DACH1: variants seen among roughly 807,000 people sequenced by gnomAD.
DACH1 encodes the protein dachshund family transcription factor 1.
A neutral mutation model predicts 54.2 loss-of-function variants in DACH1; 12 were observed. The ratio of observed to expected loss-of-function variants is 0.22; its 90% CI spans 0.14 to 0.36. The LOEUF is 0.36. DACH1 is among the 10% of genes least tolerant of loss of function. The pLI is 1.00. For missense variants in DACH1, 805 were observed against 929.8 expected, an observed-to-expected ratio of 0.87 and a Z score of 1.75; for synonymous variants, 386 against 366.2, an observed-to-expected ratio of 1.05 and a Z score of -0.62.
At chr13:71,575,530 T>A (rs1885474735) in intron 3 of DACH1, among the ~76,000 whole-genome samples, 1 of 152,068 alleles carries the variant, frequency 6.6e-6, no homozygotes, top group African/African-American at 2.4e-5. Flanking sequence ...ATTTCACTCA[T>A]ATCAGTAGAG....
intron 6 of DACH1, among the ~76,000 whole-genome samples, chr13:71,515,035 G>A (rs1224225187): frequency 6.6e-6 from 1 of 151,740 alleles, no homozygotes; most frequent in African/African-American, 2.4e-5. Flanking sequence ...TTTGCACAAT[G>A]CACATATACT....
chr13:71,556,906 A>T (rs1884286867), intron 6 of DACH1, 118 bp downstream of exon 6: 4 of 1,161,596 alleles, frequency 3.4e-6, no homozygotes, highest in East Asian at 2.8e-5. Context: ...GTGGATTTTA[A>T]AAACATTTAT....
At chr13:71,708,856 T>G (rs1426393249) in intron 1 of DACH1, among the ~76,000 whole-genome samples, 424 of 146,172 alleles carry the variant, frequency 2.9e-3, no homozygotes, top group Admixed American at 4.6e-3. Context: ...TTTGTTGTTT[T>G]TTTTTTTTTT....
At chr13:71,480,217 T>C (rs932609097) in intron 7 of DACH1, among the ~76,000 whole-genome samples, 3 of 152,152 alleles carry the variant, frequency 2.0e-5, no homozygotes, top group Admixed American at 6.6e-5. Flanking sequence ...ATACGTAATA[T>C]ATTTAAGCGA....
intron 6 of DACH1, 115 bp downstream of exon 6, chr13:71,556,909 A>G (rs1289983622): frequency 8.6e-7 from 1 of 1,159,834 alleles, no homozygotes; most frequent in Non-Finnish European, 1.2e-6. Context: ...GATTTTAAAA[A>G]CATTTATATG....
intron 6 of DACH1, among the ~76,000 whole-genome samples, chr13:71,513,151 T>C (rs1243466858): frequency 6.6e-6 from 1 of 151,974 alleles, no homozygotes; most frequent in African/African-American, 2.4e-5. Flanking sequence ...CAGTATGTAT[T>C]TGCATTCCAT....
At chr13:71,488,168 A>G (rs1593774046) in intron 7 of DACH1, among the ~76,000 whole-genome samples, 2 of 152,158 alleles carry the variant, frequency 1.3e-5, no homozygotes, top group South Asian at 4.1e-4. Flanking sequence ...ATTACTGAGG[A>G]TGGAATGTTA....
At chr13:71,588,594 C>T (rs539756338) in intron 3 of DACH1, among the ~76,000 whole-genome samples, 1 of 151,890 alleles carries the variant, frequency 6.6e-6, no homozygotes, top group African/African-American at 2.4e-5. Context: ...ATATAAAGTA[C>T]AGTAAAACAA....
chr13:71,846,716 ATTTCTT>A (rs1352444700), intron 1 of DACH1, among the ~76,000 whole-genome samples: 4 of 152,112 alleles, frequency 2.6e-5, no homozygotes, highest in Non-Finnish European at 1.5e-5. Context: ...TCAGAATGAG[ATTTCTT>A]GGGTTCTATT....
At chr13:71,486,808 TTATTTATCTATCTATC>T (rs755948826) in intron 7 of DACH1, among the ~76,000 whole-genome samples, 7,364 of 147,752 alleles carry the variant, frequency 0.05, 242 homozygotes, top group Middle Eastern at 0.065. Context: ...ATTTATTTAT[TTATTTATCTATCTATC>T]TATCTATCTA....
intron 1 of DACH1, among the ~76,000 whole-genome samples, chr13:71,782,701 CT>C (rs1886435930): frequency 6.6e-6 from 1 of 152,086 alleles, no homozygotes; most frequent in Non-Finnish European, 1.5e-5. Context: ...CTGGCAGGCA[CT>C]AAACCAGAGT....
In DACH1 at chr13:71,657,441, ACTGAGCCAGTGATCACACCACTGCACTC is replaced by A. The variant is rs1466976269; in HGVS notation, c.964+24326_964+24353del. On this transcript the variant is annotated intron_variant, in intron 2 of 10. Transcript: ENST00000613252. Reference sequence around the variant, plus strand: ...CAAAAGGTCAGGAGGTTGAGGCCACACTGAGCCAGTGATCACACCACTGCACTCCAGTCTGGGTGACAGACTGAGACCC... The same window carrying A: ...CAAAAGGTCAGGAGGTTGAGGCCACACAGTCTGGGTGACAGACTGAGACCC... Among the ~76,000 whole-genome samples, 3 of 152,080 alleles carry A rather than the reference ACTGAGCCAGTGATCACACCACTGCACTC, an allele frequency of 2.0e-5. No homozygotes were observed. In the East Asian group the frequency reaches 5.8e-4, roughly 30 times the overall value.
At chr13:71,608,945 T>A (rs1448243313) in intron 3 of DACH1, among the ~76,000 whole-genome samples, 2 of 152,030 alleles carry the variant, frequency 1.3e-5, no homozygotes, top group African/African-American at 4.8e-5. Context: ...CTGAGGAAGA[T>A]AAAACAGGAA....
chr13:71,766,339 C>T (rs1395307173), intron 1 of DACH1, among the ~76,000 whole-genome samples: 1 of 152,102 alleles, frequency 6.6e-6, no homozygotes, highest in Non-Finnish European at 1.5e-5. Context: ...TTCCAATGGC[C>T]GGGCTTCATT....
intron 3 of DACH1, among the ~76,000 whole-genome samples, chr13:71,593,727 T>C (rs1873892683): frequency 6.6e-6 from 1 of 152,028 alleles, no homozygotes; most frequent in Non-Finnish European, 1.5e-5. Flanking sequence ...TTAAGAGATT[T>C]TAAAGGTCAA....
At chr13:71,557,532 G>T (rs907470640) in intron 5 of DACH1, among the ~76,000 whole-genome samples, 2 of 151,996 alleles carry the variant, frequency 1.3e-5, no homozygotes, top group Non-Finnish European at 2.9e-5. Context: ...CTAGTGAATG[G>T]AAGTTTGCTA....
At chr13:71,845,446 G>A (rs965714403) in intron 1 of DACH1, among the ~76,000 whole-genome samples, 1 of 152,028 alleles carries the variant, frequency 6.6e-6, no homozygotes, top group Non-Finnish European at 1.5e-5. Context: ...TCAAAAAATG[G>A]CAAACTAACT....
In DACH1 at chr13:71,475,159, C is replaced by T. The variant is rs1877402740; in HGVS notation, c.2065G>A (p.Ala689Thr). 2 of 1,613,834 alleles carry T rather than the reference C, an allele frequency of 1.2e-6. No individual in the cohort carries two copies. The highest frequency in any genetic ancestry group is 1.7e-6 in the Non-Finnish European group (2 of 1,179,880). The change falls in exon 10 of 11, where the codon GCT becomes ACT. Residue 689 changes from alanine (A) to threonine (T), a missense_variant. Physicochemically the swap from Ala to Thr is moderately conservative, Grantham distance 58. Transcript: ENST00000613252. ...TTCCTACCTTGTATTGTCCTTTCAG[C>T]ATCTGTTCTGCCGCCACTGCGGTCA... ...EADRSGGRTDAERTIQDGRLY... is the reference protein window; with the variant it reads ...EADRSGGRTDTERTIQDGRLY...
intron 1 of DACH1, among the ~76,000 whole-genome samples, chr13:71,684,711 T>A (rs1881073277): frequency 6.6e-6 from 1 of 152,116 alleles, no homozygotes; most frequent in Non-Finnish European, 1.5e-5. Context: ...TTGACAGAAA[T>A]TGCACAAAAT....
Sources: gnomAD v4.1 joint callset for allele counts (sites outside exome capture counted in the v4.1 genomes callset) on GRCh38, gnomAD v4.1.1 for gene constraint, MANE v1.5 for transcripts, NCBI Gene and HGNC (gene_info 2026-07-23, HGNC 2026-07-21) for gene names.